LDLRAP1: variants seen among roughly 807,000 people sequenced by gnomAD.
LDLRAP1 encodes low density lipoprotein receptor adapter protein 1.
In LDLRAP1, 30 loss-of-function variants were observed where a neutral mutation model predicts 37.8. That is an observed-to-expected ratio of 0.79 (90% CI 0.59 to 1.08). The LOEUF is 1.08. Among genes scored for constraint, LDLRAP1 ranks in the 50% least tolerant of loss-of-function variants. LDLRAP1 has a pLI of 0.00. For synonymous variants in LDLRAP1, 156 were observed against 169.8 expected, an observed-to-expected ratio of 0.92 and a Z score of 0.63; for missense variants, 375 against 401.6, an observed-to-expected ratio of 0.93 and a Z score of 0.57.
In LDLRAP1 at chr1:25,562,640, T is replaced by G. The variant is rs753061660; in HGVS notation, c.460-4T>G. ...CCCTCCCCATCCCCACTTCCTGTTTTCAGGCACAGGCTGTTACCCTCACCG... is the reference window on the plus strand; with the variant it reads ...CCCTCCCCATCCCCACTTCCTGTTTGCAGGCACAGGCTGTTACCCTCACCG... On this transcript the variant is annotated splice_polypyrimidine_tract_variant and splice_region_variant and intron_variant, in intron 4 of 8. Coordinates refer to ENST00000374338, the MANE Select transcript of LDLRAP1 (RefSeq NM_015627.3). The G allele has an allele frequency of 1.2e-6, 2 of 1,614,056 alleles. No homozygotes were observed. Among genetic ancestry groups the G allele is most frequent in the Admixed American group, 3.3e-5 (2 of 60,026 alleles).
At chr1:25,559,542 TA>T (rs1232183640) in intron 4 of LDLRAP1, among the ~76,000 whole-genome samples, 1 of 152,182 alleles carries the variant, frequency 6.6e-6, no homozygotes, top group African/African-American at 2.4e-5. Flanking sequence ...TCATCTTTCT[TA>T]GTGTATTCTT....
In LDLRAP1 at chr1:25,567,438, T is replaced by C. The variant is rs2044513239; in HGVS notation, c.*446T>C. The C allele has an allele frequency of 1.0e-5, 2 of 200,952 alleles. No homozygotes were observed. Among genetic ancestry groups the C allele is most frequent in the Non-Finnish European group, 1.8e-5 (2 of 110,038 alleles). The allele number at this position is 200,952 out of a possible 1,614,324, so 12.4% of individuals were successfully genotyped here. On this transcript the variant is annotated 3_prime_UTR_variant, in exon 9 of 9. Coordinates refer to ENST00000374338, the MANE Select transcript of LDLRAP1 (RefSeq NM_015627.3). ...CTGAAAGCTGTTGGATTTCAGTGATTTTTCCCCCCACCCCCCAGCACAGGA... is the reference window on the plus strand; with the variant it reads ...CTGAAAGCTGTTGGATTTCAGTGATCTTTCCCCCCACCCCCCAGCACAGGA...
chr1:25,589,662 C>T, the LDLRAP1 span, among the ~76,000 whole-genome samples: 3 of 152,316 alleles, frequency 2.0e-5, no homozygotes, highest in South Asian at 2.1e-4. Flanking sequence ...CATCTTCTCC[C>T]GCCCTCCAGC....
chr1:25,562,869 A>G, intron 5 of LDLRAP1, 153 bp downstream of exon 5: 2 of 824,694 alleles, frequency 2.4e-6, no homozygotes, highest in South Asian at 1.4e-5. Context: ...CGGTTTTCCC[A>G]TCTGAAAAAT....
At chr1:25,583,996 G>T in the LDLRAP1 span, among the ~76,000 whole-genome samples, 1 of 152,052 alleles carries the variant, frequency 6.6e-6, no homozygotes, top group African/African-American at 2.4e-5. Context: ...TTAACATCTG[G>T]CTTCTCCAGC....
chr1:25,581,232 G>A, the LDLRAP1 span, among the ~76,000 whole-genome samples: 4 of 152,124 alleles, frequency 2.6e-5, no homozygotes, highest in Admixed American at 6.5e-5. Context: ...AGCCTGGGGC[G>A]GGGGCACTGC....
At chr1:25,557,378 A>G in intron 4 of LDLRAP1, 111 bp downstream of exon 4, 1 of 827,700 alleles carries the variant, frequency 1.2e-6, no homozygotes, top group Non-Finnish European at 2.0e-6. Flanking sequence ...CCATTACTTA[A>G]GAAGAGGGTG....
Position 25,567,797 on chromosome 1 carries a change from C to T in LDLRAP1, c.*805C>T, listed in dbSNP as rs1409620932. The T allele has an allele frequency of 6.6e-6, 1 of 152,482 alleles. No homozygotes were observed. Among genetic ancestry groups the T allele is most frequent in the Non-Finnish European group, 1.5e-5 (1 of 68,254 alleles). 9.4% of individuals were successfully genotyped at this position (152,482 alleles called of 1,614,324 possible). A position where few individuals can be genotyped will look rare whatever the true frequency, so the allele number is the denominator to read the frequency against. ...GACACGGGGATCATCTCTGTGACCG[C>T]CCTCCGTCGGGCCCCTGCCTGCCTT... On this transcript the variant is annotated 3_prime_UTR_variant, in exon 9 of 9. Transcript: ENST00000374338.
rs569006310 is a variant in LDLRAP1 at position 25,568,244 on chromosome 1, G to A, written c.*1252G>A. On this transcript the variant is annotated 3_prime_UTR_variant, in exon 9 of 9. Transcript: ENST00000374338. ...GATTTCCGTGAAAATGCAAGTGTTT[G>A]AAGTCTGCTCATTCCGAGGGTGAAA... 2 of 152,728 alleles carry A rather than the reference G, an allele frequency of 1.3e-5. No homozygotes were observed. Among genetic ancestry groups the A allele is most frequent in the Admixed American group, 1.3e-4 (2 of 15,306 alleles). The allele number at this position is 152,728 out of a possible 1,614,324, so 9.5% of individuals were successfully genotyped here.
the LDLRAP1 span, among the ~76,000 whole-genome samples, chr1:25,587,191 G>A: frequency 2.8e-3 from 421 of 151,814 alleles, 3 homozygotes; most frequent in Middle Eastern, 0.017. Flanking sequence ...TCACTCTGTC[G>A]CCCAGCCTGG....
chr1:25,580,109 G>A, the LDLRAP1 span, among the ~76,000 whole-genome samples: 6 of 152,218 alleles, frequency 3.9e-5, no homozygotes, highest in Non-Finnish European at 7.3e-5. Context: ...GACACAGGCA[G>A]GGTGTCCCTA....
At chr1:25,579,763 A>C in the LDLRAP1 span, among the ~76,000 whole-genome samples, 1 of 152,074 alleles carries the variant, frequency 6.6e-6, no homozygotes, top group Admixed American at 6.5e-5. Context: ...AGATGGCCAC[A>C]GGCCATAATT....
chr1:25,563,141 T>C lies in LDLRAP1; in HGVS notation c.604T>C (p.Ser202Pro), dbSNP rs6687605. ...VLGARQDCTP[S>P]LKSLVATGNL... is the part of the protein sequence containing the mutation. ...GGGGGCCCGCCAAGACTGCACCCCCTCCTTGAAGAGCTGTGAGTCCTGACG... is the reference window on the plus strand; with the variant it reads ...GGGGGCCCGCCAAGACTGCACCCCCCCCTTGAAGAGCTGTGAGTCCTGACG... The change falls in exon 6 of 9, where the codon TCC (serine) becomes CCC (proline). Residue 202 changes from serine (S) to proline (P), a missense_variant. Physicochemically the swap from Ser to Pro is moderately conservative, Grantham distance 74. Coordinates refer to ENST00000374338, the MANE Select transcript of LDLRAP1 (RefSeq NM_015627.3). 834,805 of 1,611,136 alleles carry C rather than the reference T, an allele frequency of 0.52. 218,659 individuals are homozygous for C. Among genetic ancestry groups the C allele is most frequent in the Middle Eastern group, 0.57 (3,423 of 6,048 alleles).
chr1:25,561,401 A>G (rs1224433795), intron 4 of LDLRAP1, among the ~76,000 whole-genome samples: 1 of 152,208 alleles, frequency 6.6e-6, no homozygotes, highest in Admixed American at 6.5e-5. Flanking sequence ...GGCACGGATC[A>G]GTCAGTTTGT....
the LDLRAP1 span, among the ~76,000 whole-genome samples, chr1:25,580,537 G>T: frequency 2.0e-5 from 3 of 152,096 alleles, no homozygotes; most frequent in Admixed American, 2.0e-4. Flanking sequence ...TTGAGACAGG[G>T]TCTCACATTG....
the LDLRAP1 span, among the ~76,000 whole-genome samples, chr1:25,578,527 T>G: frequency 6.6e-6 from 1 of 152,036 alleles, no homozygotes; most frequent in Non-Finnish European, 1.5e-5. Context: ...TTTTTTTCCT[T>G]AAGACAAGGT....
intron 4 of LDLRAP1, among the ~76,000 whole-genome samples, chr1:25,557,598 G>A (rs987470871): frequency 6.4e-4 from 97 of 152,274 alleles, no homozygotes; most frequent in African/African-American, 2.2e-3. Flanking sequence ...GGGATGCAGG[G>A]CCTTCTGGTG....
chr1:25,555,622 C>T lies in LDLRAP1; in HGVS notation c.344+650C>T, dbSNP rs1001805295. ...TAGGATATCCGGGCCAGAGCCCTGT[C>T]CAGCAGGCTCCCGTCTGCCTGGCAT... is the stretch of plus-strand genomic sequence containing the variant. On this transcript the variant is annotated intron_variant, in intron 3 of 8. Coordinates refer to ENST00000374338, the MANE Select transcript of LDLRAP1 (RefSeq NM_015627.3). This position sits in a 1 kb window ranked among gnomAD's most constrained non-coding sequence, Gnocchi z 4.7. Among the ~76,000 whole-genome samples the T allele has an allele frequency of 7.2e-5, 11 of 152,216 alleles. No homozygotes were observed. Among genetic ancestry groups the T allele is most frequent in the African/African-American group, 2.7e-4 (11 of 41,450 alleles).
At chr1:25,545,116 T>C (rs1224737943) in intron 1 of LDLRAP1, among the ~76,000 whole-genome samples, 2 of 152,172 alleles carry the variant, frequency 1.3e-5, no homozygotes, top group Non-Finnish European at 2.9e-5. Flanking sequence ...ATCACACTGA[T>C]TGCATCCCAA....
Sources: allele counts gnomAD v4.1 joint callset (sites outside exome capture counted in the v4.1 genomes callset), GRCh38; gene constraint gnomAD v4.1.1; non-coding constraint Gnocchi (gnomAD v3.1); transcripts MANE v1.5; gene names NCBI Gene and HGNC (gene_info 2026-07-23, HGNC 2026-07-21).